MXRA5: variants seen among roughly 807,000 people sequenced by gnomAD.
MXRA5 encodes the protein matrix remodeling associated 5, also known as matrix-remodeling-associated protein 5.
In MXRA5, 41 loss-of-function variants were observed where a neutral mutation model predicts 112.5. The ratio of observed to expected loss-of-function variants is 0.36; its 90% CI spans 0.28 to 0.47. MXRA5 has a LOEUF of 0.47. Among genes scored for constraint, MXRA5 ranks in the 20% least tolerant of loss-of-function variants. The pLI is 0.99. For missense variants in MXRA5, 2,150 were observed against 2,251.0 expected, an observed-to-expected ratio of 0.96 and a Z score of 0.91; for synonymous variants, 862 against 900.8, an observed-to-expected ratio of 0.96 and a Z score of 0.77.
At chrX:3,338,971 T>C (rs1322988660) in intron 2 of MXRA5, among the ~76,000 whole-genome samples, 2 of 108,412 alleles carry the variant, frequency 1.8e-5, no homozygotes, top group Non-Finnish European at 3.8e-5. Context: ...GATAGATAGA[T>C]AGATAGATAG....
At position 3,323,088 on chromosome X, in the gene MXRA5, T is replaced by C; in HGVS notation, c.2597A>G (p.Glu866Gly). ...AAGAATAACTCCATTGTGGTTGTGT[T>C]CTAGCCCCATGCTGGCTGAGGAAAT... ...GTISSASMGL[E>G]HNHNGVILVE... Residue 866 changes from glutamate to glycine, a missense_variant, in exon 5 of 7, where the codon GAA becomes GGA. Glu to Gly is a moderately conservative substitution (Grantham distance 98). Transcript: ENST00000217939. The C allele has an allele frequency of 8.3e-7, 1 of 1,211,867 alleles. No individual in the cohort carries two copies. The highest frequency in any genetic ancestry group is 1.1e-6 in the Non-Finnish European group (1 of 895,581).
intron 3 of MXRA5, 48 bp from the exon 4 acceptor site, chrX:3,330,456 A>G (rs369370041): frequency 9.6e-6 from 11 of 1,143,813 alleles, no homozygotes; most frequent in Non-Finnish European, 1.3e-5. Context: ...TCCTGTTTAT[A>G]GTTTAAAAAG....
intron 2 of MXRA5, among the ~76,000 whole-genome samples, chrX:3,342,735 C>T (rs761412072): frequency 8.9e-6 from 1 of 112,538 alleles, no homozygotes; most frequent in East Asian, 2.8e-4. Context: ...CCTGACTCTA[C>T]CACTGTCGAT....
chrX:3,321,449 C>G lies in MXRA5; in HGVS notation c.4236G>C (p.Glu1412Asp), dbSNP rs1039158244. 1 of 1,211,124 alleles carries G rather than the reference C, an allele frequency of 8.3e-7. No individual in the cohort carries two copies. Among genetic ancestry groups the G allele is most frequent in the Admixed American group, 2.2e-5 (1 of 46,018 alleles). Residue 1412 changes from glutamate to aspartate, a missense_variant, in exon 5 of 7, where the codon GAG (glutamate) becomes GAC (aspartate). Glu to Asp is a conservative substitution (Grantham distance 45, BLOSUM62 2). Around this residue, in one of 6 missense-constraint regions of MXRA5, gnomAD observed 1,485 missense variants for 1,471.6 expected, o/e 1.01. Transcript: ENST00000217939. ...ENLTDPPLLK[E>D]LEDVDFTSEF... ...CGGAAGTGAAATCCACATCCTCAAGCTCTTTAAGAAGGGGAGGGTCTGTAA... is the reference window on the plus strand; with the variant it reads ...CGGAAGTGAAATCCACATCCTCAAGGTCTTTAAGAAGGGGAGGGTCTGTAA...
chrX:3,334,149 T>G (rs1921733198), intron 2 of MXRA5, among the ~76,000 whole-genome samples: 1 of 111,201 alleles, frequency 9.0e-6, no homozygotes, highest in South Asian at 3.9e-4. Context: ...ACCTGGCTAA[T>G]TTTTGTATTT....
intron 4 of MXRA5, among the ~76,000 whole-genome samples, chrX:3,327,290 TC>T (rs1921536675): frequency 1.8e-5 from 2 of 111,223 alleles, no homozygotes; most frequent in South Asian, 3.8e-4. Flanking sequence ...TTTGCACATC[TC>T]CCCCCAACAC....
chrX:3,325,897 AATG>A, intron 4 of MXRA5, among the ~76,000 whole-genome samples: 1 of 41,072 alleles, frequency 2.4e-5, no homozygotes, highest in Non-Finnish European at 5.9e-5. Context: ...TATAATTTAT[AATG>A]TATAATTTTA....
rs374038604 is a variant in MXRA5, at chrX:3,330,064, G to C, written c.663C>G (p.Cys221Trp). Residue 221 changes from cysteine (C) to tryptophan (W), a missense_variant, in exon 4 of 7, where the codon TGC (cysteine) becomes TGG (tryptophan). Physicochemically the swap from Cys to Trp is radical, Grantham distance 215. This residue lies in a region of MXRA5 where 386 missense variants were observed against 411.0 expected (regional missense o/e 0.94). Coordinates refer to ENST00000217939, the MANE Select transcript of MXRA5 (RefSeq NM_015419.4). ...NLYLQGNPWT[C>W]DCEMRWFLEW... ...CCAAAAACCATCTCATCTCACAATCGCAGGTCCACGGATTTCCCTGCAAGT... is the reference window on the plus strand; with the variant it reads ...CCAAAAACCATCTCATCTCACAATCCCAGGTCCACGGATTTCCCTGCAAGT... 1 of 1,210,727 alleles carries C rather than the reference G, an allele frequency of 8.3e-7. No individual in the cohort carries two copies.
chrX:3,327,223 A>C (rs1921534765), intron 4 of MXRA5, among the ~76,000 whole-genome samples: 1 of 111,292 alleles, frequency 9.0e-6, no homozygotes, highest in South Asian at 3.8e-4. Context: ...TGCCCTCCTG[A>C]CCATGGTTTT....
intron 2 of MXRA5, among the ~76,000 whole-genome samples, chrX:3,332,671 C>T (rs947007748): frequency 1.8e-5 from 2 of 112,233 alleles, no homozygotes; most frequent in South Asian, 3.7e-4. Context: ...AGAAGATGAT[C>T]CTATTTCCTG....
rs1210944162 is a variant in MXRA5 at position 3,311,588 on chromosome X, G to C, written c.6615C>G (p.Thr2205=). Residue 2205 remains threonine (T), a synonymous_variant, in exon 7 of 7, where the codon ACC becomes ACG. Transcript: ENST00000217939. ...DSRIKVFANG[T]LVVKSVTDKD... ...TGTCCGTCACTGATTTCACCACCAG[G>C]GTCCCATTGGCAAACACCTTGATTC... The C allele has an allele frequency of 8.3e-7, 1 of 1,209,418 alleles. No individual in the cohort carries two copies. The highest frequency in any genetic ancestry group is 3.0e-5 in the East Asian group (1 of 33,792).
At position 3,310,055 on chromosome X, in the gene MXRA5, C is replaced by T. The variant is rs5983115; in HGVS notation, c.8148G>A (p.Glu2716=). The T allele has an allele frequency of 0.066, 79,638 of 1,208,612 alleles. 3,985 individuals are homozygous for T. Among genetic ancestry groups the T allele is most frequent in the African/African-American group, 0.36 (20,550 of 56,571 alleles). The change falls in exon 7 of 7, where the codon GAG becomes GAA. Residue 2716 remains glutamate, a synonymous_variant. Transcript: ENST00000217939. The part of the protein sequence containing the change: ...RGTYVCRMET[E]YGPSVTSIPV... ...GGATGCTGGTGACCGAAGGGCCGTA[C>T]TCCGTCTCCATCCTGCATACATAGG...
rs866818343 is a variant in MXRA5, at chrX:3,321,843, G to C, written c.3842C>G (p.Thr1281Ser). Residue 1281 changes from threonine (T) to serine (S), a missense_variant, in exon 5 of 7, where the codon ACT becomes AGT. Coordinates refer to ENST00000217939, the MANE Select transcript of MXRA5 (RefSeq NM_015419.4). ...PSSETILLPR[T>S]VSLKTEGPYD... ...AGGGCCCTCAGTTTTCAGAGAAACA[G>C]TTCTAGGCAAAAGTATAGTTTCTGA... The C allele has an allele frequency of 2.5e-6, 3 of 1,211,311 alleles. No homozygotes were observed. Among genetic ancestry groups the C allele is most frequent in the African/African-American group, 1.7e-5 (1 of 57,801 alleles).
In MXRA5 at chrX:3,338,548, A is replaced by G. The variant is rs749094159; in HGVS notation, c.188+5098T>C. ...GGTAGATAGATAGAATACATGATAG[A>G]GATAGATTGATTGATAGAGATGATA... On this transcript the variant is annotated intron_variant, in intron 2 of 6. Transcript: ENST00000217939. Among the ~76,000 whole-genome samples, 4 of 111,635 alleles carry G rather than the reference A, an allele frequency of 3.6e-5. No individual in the cohort carries two copies. The South Asian group carries it at 1.5e-3, about 43-fold the overall frequency.
At chrX:3,330,580 CT>C (rs1397857451) in intron 3 of MXRA5, 63 bp downstream of exon 3, 20 of 1,167,386 alleles carry the variant, frequency 1.7e-5, no homozygotes, top group Non-Finnish European at 2.3e-5. Flanking sequence ...GACATAATTT[CT>C]ATTCTTTATT....
chrX:3,310,264 C>T lies in MXRA5; in HGVS notation c.7939G>A (p.Val2647Ile), dbSNP rs146221543. 911 of 1,209,346 alleles carry T rather than the reference C, an allele frequency of 7.5e-4. 9 individuals are homozygous for T. Among genetic ancestry groups the T allele is most frequent in the Admixed American group, 4.1e-4 (19 of 45,830 alleles). ...AGGGTCTCACCATTGATGATGCTGA[C>T]CAGGTTATGATACTGCTTGTTTGCT... ...PEANKQYHNL[V>I]SIINGETLKL... is the part of the protein sequence containing the mutation. The change falls in exon 7 of 7, where the codon GTC becomes ATC. Residue 2647 changes from valine to isoleucine, a missense_variant. Val to Ile is a conservative substitution (Grantham distance 29). Coordinates refer to ENST00000217939, the MANE Select transcript of MXRA5 (RefSeq NM_015419.4).
chrX:3,311,607 T>C lies in MXRA5; in HGVS notation c.6596A>G (p.Lys2199Arg). 1 of 1,207,993 alleles carries C rather than the reference T, an allele frequency of 8.3e-7. No individual in the cohort carries two copies. Among genetic ancestry groups the C allele is most frequent in the Non-Finnish European group, 1.1e-6 (1 of 893,108 alleles). Reference protein sequence around the residue: ...DALFSFDSRIKVFANGTLVVK... With the variant: ...DALFSFDSRIRVFANGTLVVK... ...CACCAGGGTCCCATTGGCAAACACC[T>C]TGATTCTGCTATCAAAACTACAGAA... The change falls in exon 7 of 7, where the codon AAG becomes AGG. Residue 2199 changes from lysine to arginine, a missense_variant. This residue lies in a region of MXRA5 where 1,485 missense variants were observed against 1,471.6 expected (regional missense o/e 1.01). Coordinates refer to ENST00000217939, the MANE Select transcript of MXRA5 (RefSeq NM_015419.4).
chrX:3,346,552 C>T lies in MXRA5; in HGVS notation c.-66G>A, dbSNP rs1280448031. The T allele has an allele frequency of 5.2e-5, 39 of 753,236 alleles. No individual in the cohort carries two copies. Among genetic ancestry groups the T allele is most frequent in the Non-Finnish European group, 5.9e-5 (38 of 639,091 alleles). The allele number at this position is 753,236 out of a possible 1,213,427, so 62.1% of individuals were successfully genotyped here. On this transcript the variant is annotated 5_prime_UTR_variant, in exon 1 of 7. Transcript: ENST00000217939. ...AGCCGCCGCACACGGGAGCGGTGCGCCGGGAGCATCCACCGAGCCGGGGCG... is the reference window on the plus strand; with the variant it reads ...AGCCGCCGCACACGGGAGCGGTGCGTCGGGAGCATCCACCGAGCCGGGGCG...
At position 3,320,491 on chromosome X, in the gene MXRA5, A is replaced by G. The variant is rs1172070586; in HGVS notation, c.5194T>C (p.Phe1732Leu). The G allele has an allele frequency of 2.5e-6, 3 of 1,209,787 alleles. No homozygotes were observed. Among genetic ancestry groups the G allele is most frequent in the Non-Finnish European group, 3.4e-6 (3 of 894,961 alleles). The change falls in exon 5 of 7, where the codon TTC becomes CTC. Residue 1732 changes from phenylalanine (F) to leucine (L), a missense_variant. Around this residue, in one of 6 missense-constraint regions of MXRA5, gnomAD observed 1,485 missense variants for 1,471.6 expected, o/e 1.01. Coordinates refer to ENST00000217939, the MANE Select transcript of MXRA5 (RefSeq NM_015419.4). Reference protein sequence around the residue: ...IPHYSNGRLPFFTNKTLSFPQ... With the variant: ...IPHYSNGRLPLFTNKTLSFPQ... The stretch of plus-strand genomic sequence containing the variant: ...AAAGAAAGAGTCTTGTTGGTAAAGA[A>G]AGGGAGTCTTCCATTGGAATAATGA...
Sources: allele counts gnomAD v4.1 joint callset (sites outside exome capture counted in the v4.1 genomes callset), GRCh38; gene constraint gnomAD v4.1.1; regional missense constraint gnomAD v4.1.1; transcripts MANE v1.5; gene names NCBI Gene and HGNC (gene_info 2026-07-23, HGNC 2026-07-21).